The following PLEKHA2 variants were observed in gnomAD, a reference collection of about 807,000 sequenced individuals.
PLEKHA2 encodes pleckstrin homology domain containing A2.
A neutral mutation model predicts 53.2 loss-of-function variants in PLEKHA2; 28 were observed. The ratio of observed to expected loss-of-function variants is 0.53; its 90% CI spans 0.39 to 0.72. The LOEUF is 0.72. Ranked by LOEUF, PLEKHA2 falls within the 30% of genes least tolerant of loss-of-function variation. The pLI is 0.00. For missense variants in PLEKHA2, 426 were observed against 537.9 expected, an observed-to-expected ratio of 0.79 and a Z score of 2.06; for synonymous variants, 193 against 196.4, an observed-to-expected ratio of 0.98 and a Z score of 0.14.
intron 9 of PLEKHA2, among the ~76,000 whole-genome samples, chr8:38,956,942 G>A (rs1380646387): frequency 2.6e-5 from 4 of 152,252 alleles, no homozygotes; most frequent in South Asian, 4.1e-4. Context: ...CACCCGAAAC[G>A]GTGCTTCCCA....
At chr8:38,932,363 G>A (rs1225054281) in intron 2 of PLEKHA2, among the ~76,000 whole-genome samples, 1 of 152,210 alleles carries the variant, frequency 6.6e-6, no homozygotes, top group Non-Finnish European at 1.5e-5. Context: ...AGAAGGATTT[G>A]TGTGCCTAAA....
chr8:38,960,922 C>T (rs1439770534), intron 10 of PLEKHA2: 1 of 152,150 alleles, frequency 6.6e-6, no homozygotes, highest in South Asian at 2.1e-4. Flanking sequence ...TACTTTTTAT[C>T]CATGCATGGT....
At chr8:38,959,788 G>C (rs1835009139) in intron 10 of PLEKHA2, among the ~76,000 whole-genome samples, 1 of 152,232 alleles carries the variant, frequency 6.6e-6, no homozygotes, top group Non-Finnish European at 1.5e-5. Context: ...AGAGAGGACA[G>C]GTATGCCCGG....
At chr8:38,955,129 G>T (rs951341508) in intron 9 of PLEKHA2, among the ~76,000 whole-genome samples, 3 of 152,172 alleles carry the variant, frequency 2.0e-5, no homozygotes, top group Non-Finnish European at 4.4e-5. Context: ...TTCTTCAGTG[G>T]TGATTTCTGA....
intron 9 of PLEKHA2, among the ~76,000 whole-genome samples, chr8:38,955,891 G>GT (rs1834930493): frequency 6.6e-6 from 1 of 152,138 alleles, no homozygotes; most frequent in Non-Finnish European, 1.5e-5. Flanking sequence ...GTTCACTGCA[G>GT]CCTCTGCCTC....
At chr8:38,951,072 T>A in intron 6 of PLEKHA2, 82 bp downstream of exon 6, 1 of 775,198 alleles carries the variant, frequency 1.3e-6, no homozygotes, top group Non-Finnish European at 1.7e-6. Context: ...CGGAGCACTG[T>A]ACTGGGGAAA....
chr8:38,952,059 T>C, intron 6 of PLEKHA2, 107 bp from the exon 7 acceptor site: 1 of 1,377,378 alleles, frequency 7.3e-7, no homozygotes, highest in Non-Finnish European at 9.9e-7. Context: ...ATTTATTTCT[T>C]CTTTGACTTA....
At chr8:38,954,026 G>C (rs1834891935) in intron 9 of PLEKHA2, among the ~76,000 whole-genome samples, 1 of 152,184 alleles carries the variant, frequency 6.6e-6, no homozygotes, top group Non-Finnish European at 1.5e-5. Context: ...AAACTTTAGA[G>C]ACCCTAAGGG....
intron 3 of PLEKHA2, among the ~76,000 whole-genome samples, chr8:38,939,280 C>T (rs1834554419): frequency 6.6e-6 from 1 of 152,214 alleles, no homozygotes; most frequent in South Asian, 2.1e-4. Flanking sequence ...CACTCTGTGG[C>T]AAAGGAGAAT....
chr8:38,964,852 C>CTTTTTTTTTT lies in PLEKHA2; in HGVS notation c.838-3719_838-3710dup, dbSNP rs56714628. ...TATTTTATTTTTTCTTGTTACTTCC[C>CTTTTTTTTTT]TTTTTTTTTTTTTTTTTTTTTTTTT... On this transcript the variant is annotated intron_variant, in intron 10 of 11. Coordinates refer to ENST00000617275, the MANE Select transcript of PLEKHA2 (RefSeq NM_021623.2). 3.6e-5 allele frequency among the ~76,000 whole-genome samples: 2 copies of CTTTTTTTTTT among 54,968 alleles called. 1 individual carries two copies. Among genetic ancestry groups the CTTTTTTTTTT allele is most frequent in the East Asian group, 1.7e-3 (2 of 1,170 alleles). 36.1% of individuals were successfully genotyped at this position (54,968 alleles called of 152,430 possible).
chr8:38,942,368 A>C (rs1017581129), intron 3 of PLEKHA2, among the ~76,000 whole-genome samples: 2 of 152,006 alleles, frequency 1.3e-5, no homozygotes, highest in South Asian at 4.2e-4. Context: ...GCGCCACTGC[A>C]CTCCAGCCTG....
At chr8:38,938,493 G>T (rs1324619167) in intron 3 of PLEKHA2, among the ~76,000 whole-genome samples, 1 of 152,216 alleles carries the variant, frequency 6.6e-6, no homozygotes, top group Non-Finnish European at 1.5e-5. Context: ...CTCCTCTTCC[G>T]GCCATGGGCA....
At chr8:38,924,388 CT>C (rs1280353983) in intron 2 of PLEKHA2, among the ~76,000 whole-genome samples, 1 of 151,956 alleles carries the variant, frequency 6.6e-6, no homozygotes, top group East Asian at 1.9e-4. Flanking sequence ...TCAGGAAGTT[CT>C]TTATTGAGGA....
intron 7 of PLEKHA2, 95 bp downstream of exon 7, chr8:38,952,407 G>C: frequency 6.6e-7 from 1 of 1,503,778 alleles, no homozygotes; most frequent in Non-Finnish European, 9.0e-7. Flanking sequence ...TTGACAGGAG[G>C]TGCCTCAGTC....
chr8:38,957,216 C>G (rs1001390035), intron 9 of PLEKHA2, 107 bp from the exon 10 acceptor site: 6 of 796,260 alleles, frequency 7.5e-6, no homozygotes, highest in South Asian at 7.0e-5. Flanking sequence ...AACCACCCCC[C>G]ACCCATCTTC....
At chr8:38,921,640 C>T (rs115000013) in intron 2 of PLEKHA2, among the ~76,000 whole-genome samples, 2,459 of 152,354 alleles carry the variant, frequency 0.016, 73 homozygotes, top group African/African-American at 0.056. Flanking sequence ...TGGCCCAGGG[C>T]AGGCTCTTAC....
intron 2 of PLEKHA2, among the ~76,000 whole-genome samples, chr8:38,923,682 C>T (rs1025423203): frequency 2.0e-5 from 3 of 152,150 alleles, no homozygotes; most frequent in African/African-American, 7.2e-5. Context: ...ATAGAGTTTA[C>T]ACTGTATTTG....
At chr8:38,918,488 CACACAACCCATACACCAGACACACACCAT>C (rs1834108463) in intron 2 of PLEKHA2, among the ~76,000 whole-genome samples, 1 of 5,112 alleles carries the variant, frequency 2.0e-4, no homozygotes, top group African/African-American at 6.7e-4. Context: ...ACACACCATA[CACACAACCCATACACCAGACACACACCAT>C]ACACACATGC....
At chr8:38,902,708 TAGA>T (rs1485357506) in intron 1 of PLEKHA2, among the ~76,000 whole-genome samples, 1 of 152,246 alleles carries the variant, frequency 6.6e-6, no homozygotes, top group Non-Finnish European at 1.5e-5. Context: ...CTTGAAAGAA[TAGA>T]AGTTTTTGCT....
Sources: gnomAD v4.1 joint callset for allele counts (sites outside exome capture counted in the v4.1 genomes callset) on GRCh38, gnomAD v4.1.1 for gene constraint, MANE v1.5 for transcripts, NCBI Gene and HGNC (gene_info 2026-07-23, HGNC 2026-07-21) for gene names.